The following KIAA1549 variants were observed in gnomAD, a reference collection of about 807,000 sequenced individuals.
KIAA1549 encodes the protein KIAA1549.
In KIAA1549, 70 loss-of-function variants were observed where a neutral mutation model predicts 156.4. The ratio of observed to expected loss-of-function variants is 0.45; its 90% CI spans 0.37 to 0.55. The LOEUF (loss-of-function observed/expected upper bound fraction) is 0.55. KIAA1549 is among the 20% of genes least tolerant of loss of function. KIAA1549 has a pLI of 0.00. For synonymous variants in KIAA1549, 1,103 were observed against 1,066.4 expected (o/e 1.03, Z -0.67); for missense variants, 2,428 against 2,540.9 (o/e 0.96, Z 0.96).
rs199814331 is a variant in KIAA1549 at position 138,909,079 on chromosome 7, T to C, written c.3188A>G (p.Asn1063Ser). ...GCCTTTCTCAATGCGCTGGGTGAAG[T>C]TGCAGAAGCCAGTATCCACACTCGG... The part of the protein sequence containing the change: ...VPPSVDTGFC[N>S]FTQRIEKGLM... The change falls in exon 5 of 20, where the codon AAC (asparagine) becomes AGC (serine). Residue 1063 changes from asparagine (N) to serine (S), a missense_variant. Around this residue, in one of 5 missense-constraint regions of KIAA1549, gnomAD observed 762 missense variants for 901.6 expected, o/e 0.85. Coordinates refer to ENST00000422774, the MANE Select transcript of KIAA1549 (RefSeq NM_001164665.2). 185 of 1,613,586 alleles carry C rather than the reference T, an allele frequency of 1.1e-4. No homozygotes were observed. Among genetic ancestry groups the C allele is most frequent in the Non-Finnish European group, 1.4e-4 (169 of 1,179,860 alleles).
At chr7:138,861,784 T>C (rs539329221) in intron 15 of KIAA1549, among the ~76,000 whole-genome samples, 3 of 151,888 alleles carry the variant, frequency 2.0e-5, no homozygotes, top group South Asian at 4.2e-4. Context: ...GGTGGAAGGA[T>C]AGCTTGAGCC....
At position 138,894,499 on chromosome 7, in the gene KIAA1549, G is replaced by A. The variant is rs139052197; in HGVS notation, c.3875C>T (p.Pro1292Leu). The A allele has an allele frequency of 1.5e-3, 2,398 of 1,613,948 alleles. 8 individuals carry two copies. The highest frequency in any genetic ancestry group is 2.1e-3 in the South Asian group (195 of 91,080). Residue 1292 changes from proline to leucine, a missense_variant, in exon 10 of 20, where the codon CCG (proline) becomes CTG (leucine). This residue lies in a region of KIAA1549 where 762 missense variants were observed against 901.6 expected (regional missense o/e 0.85). Coordinates refer to ENST00000422774, the MANE Select transcript of KIAA1549 (RefSeq NM_001164665.2). ...CCACAAGTTGTTGCTCTGGGATTCC[G>A]GAGACGGCCTCTTCACCCTGTCGAC... ...QPVDRVKRPS[P>L]ESQSNNLWVI...
At chr7:138,925,169 A>T (rs1812677967) in intron 1 of KIAA1549, among the ~76,000 whole-genome samples, 1 of 152,128 alleles carries the variant, frequency 6.6e-6, no homozygotes, top group African/African-American at 2.4e-5. Context: ...TTCCATGATG[A>T]TACAGTAGTG....
chr7:138,964,815 T>C (rs1813966545), intron 1 of KIAA1549, among the ~76,000 whole-genome samples: 1 of 152,232 alleles, frequency 6.6e-6, no homozygotes, highest in African/African-American at 2.4e-5. Flanking sequence ...AGAGAGCGAT[T>C]TGGCAATATG....
chr7:138,893,450 A>G (rs1811598323), intron 10 of KIAA1549, among the ~76,000 whole-genome samples: 1 of 152,190 alleles, frequency 6.6e-6, no homozygotes, highest in African/African-American at 2.4e-5. Flanking sequence ...AGAAACCCAA[A>G]CTGGAACCTG....
chr7:138,927,031 C>T (rs1319623873), intron 1 of KIAA1549, among the ~76,000 whole-genome samples: 1 of 152,172 alleles, frequency 6.6e-6, no homozygotes, highest in East Asian at 1.9e-4. Flanking sequence ...AGAATATATT[C>T]TTCAGCTTTG....
At chr7:138,925,463 CA>C (rs1208739731) in intron 1 of KIAA1549, among the ~76,000 whole-genome samples, 1 of 152,122 alleles carries the variant, frequency 6.6e-6, no homozygotes, top group African/African-American at 2.4e-5. Context: ...CTTCATACCA[CA>C]GCGTGTTTTG....
chr7:138,864,783 C>A lies in KIAA1549; in HGVS notation c.4929+3192G>T, dbSNP rs1371025584. ...TTCCAAAAGTGTCTGGATTGGATGA[C>A]AAATTACATCAAACTTTTTCTGTAA... On this transcript the variant is annotated intron_variant, in intron 15 of 19. Coordinates refer to ENST00000422774, the MANE Select transcript of KIAA1549 (RefSeq NM_001164665.2). Among the ~76,000 whole-genome samples, 3 of 152,116 alleles carry A rather than the reference C, an allele frequency of 2.0e-5. No homozygotes were observed. In the East Asian group the frequency reaches 5.8e-4, roughly 29 times the overall value.
intron 1 of KIAA1549, among the ~76,000 whole-genome samples, chr7:138,976,885 T>C (rs972350482): frequency 2.6e-5 from 4 of 152,208 alleles, no homozygotes; most frequent in African/African-American, 9.6e-5. Flanking sequence ...AGGCTAAGGG[T>C]GAGTCGTAGA....
At chr7:138,912,521 A>G in intron 2 of KIAA1549, 61 bp from the exon 3 acceptor site, 1 of 1,382,000 alleles carries the variant, frequency 7.2e-7, no homozygotes. Flanking sequence ...CAAACACACC[A>G]GACTTCTGGA....
chr7:138,868,904 C>A (rs1810834124), intron 14 of KIAA1549, among the ~76,000 whole-genome samples: 1 of 152,144 alleles, frequency 6.6e-6, no homozygotes. Context: ...AGTGGAGGGG[C>A]AGGGCCGGCC....
Position 138,960,970 on chromosome 7 carries a change from A to T in KIAA1549, c.187+20113T>A, listed in dbSNP as rs79702238. Among the ~76,000 whole-genome samples the T allele has an allele frequency of 1.5e-3, 221 of 152,328 alleles. 12 individuals carry two copies. In the East Asian group the frequency reaches 0.034, roughly 23 times the overall value. ...ATGAAAAGAGATGAATGGGACACTA[A>T]ATGTGTCTTTCCCCCATGCCCTCAT... On this transcript the variant is annotated intron_variant, in intron 1 of 19. Transcript: ENST00000422774.
At chr7:138,936,237 G>A (rs1407561794) in intron 1 of KIAA1549, among the ~76,000 whole-genome samples, 1 of 152,134 alleles carries the variant, frequency 6.6e-6, no homozygotes, top group East Asian at 1.9e-4. Flanking sequence ...AGAACAAAAA[G>A]TCAAAGGTGA....
chr7:138,904,881 CT>C, intron 7 of KIAA1549, 140 bp downstream of exon 7: 1 of 589,772 alleles, frequency 1.7e-6, no homozygotes, highest in Non-Finnish European at 3.0e-6. Flanking sequence ...ATTTGAATCC[CT>C]TTCCATTCAT....
In KIAA1549 at chr7:138,837,858, T is replaced by G; in HGVS notation, c.*48A>C. The G allele has an allele frequency of 6.3e-7, 1 of 1,586,824 alleles. No homozygotes were observed. The highest frequency in any genetic ancestry group is 2.1e-4 in the Middle Eastern group (1 of 4,748). On this transcript the variant is annotated 3_prime_UTR_variant, in exon 20 of 20. Coordinates refer to ENST00000422774, the MANE Select transcript of KIAA1549 (RefSeq NM_001164665.2). ...CACTCAGTTGATTTCCTTTTGGTCT[T>G]GCTTCCACAGGAAGCGGATACTTGG...
chr7:138,861,706 GA>G (rs1329221415), intron 15 of KIAA1549, among the ~76,000 whole-genome samples: 86 of 132,158 alleles, frequency 6.5e-4, no homozygotes, highest in East Asian at 3.7e-3. Context: ...AAAAAAAAAA[GA>G]AAAAAAAAAA....
intron 5 of KIAA1549, among the ~76,000 whole-genome samples, chr7:138,907,643 A>G (rs1447754282): frequency 1.3e-5 from 2 of 152,216 alleles, no homozygotes; most frequent in Non-Finnish European, 2.9e-5. Context: ...AGGCTGTGCC[A>G]AAGAGCTGAG....
chr7:138,888,465 T>C lies in KIAA1549; in HGVS notation c.4032+5877A>G, dbSNP rs563855878. ...GGTCCATGACCCCTTTCTCTGCTGG[T>C]TTATTTGTTGTCCCTGTGTACTTAC... On this transcript the variant is annotated intron_variant, in intron 10 of 19. Coordinates refer to ENST00000422774, the MANE Select transcript of KIAA1549 (RefSeq NM_001164665.2). Among the ~76,000 whole-genome samples, 14 of 152,348 alleles carry C rather than the reference T, an allele frequency of 9.2e-5. No homozygotes were observed. The South Asian group carries it at 2.7e-3, about 29-fold the overall frequency.
chr7:138,949,360 G>A (rs1325304643), intron 1 of KIAA1549, among the ~76,000 whole-genome samples: 1 of 152,126 alleles, frequency 6.6e-6, no homozygotes, highest in Non-Finnish European at 1.5e-5. Flanking sequence ...GACACAAAAT[G>A]TTCTGTCATA....
Sources: allele counts gnomAD v4.1 joint callset (sites outside exome capture counted in the v4.1 genomes callset), GRCh38; gene constraint gnomAD v4.1.1; regional missense constraint gnomAD v4.1.1; transcripts MANE v1.5; gene names NCBI Gene and HGNC (gene_info 2026-07-23, HGNC 2026-07-21).